ARHGAP26: variants seen among roughly 807,000 people sequenced by gnomAD.
ARHGAP26 encodes Rho GTPase activating protein 26.
Under a neutral mutation model 104.8 loss-of-function variants are expected in ARHGAP26, and 38 were observed. The ratio of observed to expected loss-of-function variants is 0.36; its 90% confidence interval spans 0.28 to 0.48. ARHGAP26 has a LOEUF of 0.48. ARHGAP26 is among the 20% of genes least tolerant of loss of function. ARHGAP26 has a pLI of 0.99. For synonymous variants in ARHGAP26, 341 were observed against 340.0 expected, an observed-to-expected ratio of 1.00 and a Z score of -0.03; for missense variants, 704 against 947.9, an observed-to-expected ratio of 0.74 and a Z score of 3.38.
chr5:143,075,924 C>T (rs1398825989), intron 17 of ARHGAP26, among the ~76,000 whole-genome samples: 2 of 151,962 alleles, frequency 1.3e-5, no homozygotes, highest in Non-Finnish European at 2.9e-5. Context: ...GTTTTGAACT[C>T]CTGGGCTCAA....
chr5:143,040,421 CA>C (rs76179093), intron 13 of ARHGAP26, among the ~76,000 whole-genome samples: 14,187 of 152,058 alleles, frequency 0.093, 859 homozygotes, highest in South Asian at 0.28. Context: ...TTTTGGCCCC[CA>C]AGTATTTTAT....
intron 17 of ARHGAP26, among the ~76,000 whole-genome samples, chr5:143,069,276 C>T (rs915495158): frequency 3.3e-5 from 5 of 152,064 alleles, no homozygotes; most frequent in Non-Finnish European, 2.9e-5. Flanking sequence ...GTAAGCTCCA[C>T]GAGGTTGGCA....
intron 20 of ARHGAP26, among the ~76,000 whole-genome samples, chr5:143,192,051 T>A (rs1457738208): frequency 6.6e-6 from 1 of 152,124 alleles, no homozygotes; most frequent in Non-Finnish European, 1.5e-5. Flanking sequence ...TCCTGTGGAG[T>A]CTTTCTTAAA....
chr5:143,154,345 C>G (rs777039931), intron 20 of ARHGAP26, among the ~76,000 whole-genome samples: 2 of 152,082 alleles, frequency 1.3e-5, no homozygotes, highest in Non-Finnish European at 2.9e-5. Context: ...CTCTGTACCT[C>G]AGTTTTCTCA....
rs1306157443 is a variant in ARHGAP26 at position 143,224,338 on chromosome 5, T to C, written c.*1892T>C. 4.3e-6 allele frequency: 1 copy of C among 231,228 alleles called. No homozygotes were observed. The highest frequency in any genetic ancestry group is 2.2e-5 in the African/African-American group (1 of 45,204). The allele number at this position is 231,228 out of a possible 1,614,324, so 14.3% of individuals were successfully genotyped here. On this transcript the variant is annotated 3_prime_UTR_variant, in exon 23 of 23. Transcript: ENST00000645722. ...ACATTTCTATGGCCTTGCTCTCTGC[T>C]GTCCTGTTGGTGGGCACGACACATC...
chr5:142,905,453 A>G (rs1760973683), intron 8 of ARHGAP26, among the ~76,000 whole-genome samples: 2 of 152,190 alleles, frequency 1.3e-5, no homozygotes, highest in Non-Finnish European at 2.9e-5. Flanking sequence ...GACATACAGA[A>G]AAGTCGCAAC....
At chr5:142,843,507 A>G (rs901758163) in intron 1 of ARHGAP26, among the ~76,000 whole-genome samples, 1 of 152,220 alleles carries the variant, frequency 6.6e-6, no homozygotes, top group African/African-American at 2.4e-5. Context: ...TGCCAGGCAA[A>G]CCCACGTGCT....
At chr5:143,025,690 T>C (rs568301109) in intron 12 of ARHGAP26, among the ~76,000 whole-genome samples, 1 of 152,326 alleles carries the variant, frequency 6.6e-6, no homozygotes, top group East Asian at 1.9e-4. Context: ...GACTAGGAGA[T>C]TGCAGAAGTA....
At chr5:142,939,197 G>A (rs887472323) in intron 11 of ARHGAP26, among the ~76,000 whole-genome samples, 2 of 152,120 alleles carry the variant, frequency 1.3e-5, no homozygotes, top group Admixed American at 6.5e-5. Flanking sequence ...GATGATTCAG[G>A]TCTCTTAGCT....
intron 1 of ARHGAP26, among the ~76,000 whole-genome samples, chr5:142,819,664 A>G (rs1202917369): frequency 6.6e-6 from 1 of 152,244 alleles, no homozygotes; most frequent in Non-Finnish European, 1.5e-5. Flanking sequence ...TTTTAGGTGT[A>G]CAGTGACACA....
chr5:142,816,255 T>C (rs1597749449), intron 1 of ARHGAP26, among the ~76,000 whole-genome samples: 1 of 152,346 alleles, frequency 6.6e-6, no homozygotes, highest in African/African-American at 2.4e-5. Context: ...TTTACCATCA[T>C]ATACTGAGCA....
intron 1 of ARHGAP26, among the ~76,000 whole-genome samples, chr5:142,861,351 T>TG (rs1385013345): frequency 7.8e-6 from 1 of 127,660 alleles, no homozygotes; most frequent in Non-Finnish European, 1.6e-5. Context: ...GCTAGGTCCG[T>TG]TTTTTTTTTT....
At chr5:143,006,049 A>G (rs1054072580) in intron 11 of ARHGAP26, among the ~76,000 whole-genome samples, 1 of 152,230 alleles carries the variant, frequency 6.6e-6, no homozygotes, top group African/African-American at 2.4e-5. Context: ...TAGAGCTAAC[A>G]CACAGGGGTG....
chr5:143,135,404 C>T (rs1599170282), intron 19 of ARHGAP26, among the ~76,000 whole-genome samples: 3 of 152,134 alleles, frequency 2.0e-5, no homozygotes, highest in African/African-American at 2.4e-5. Flanking sequence ...TATTATAACT[C>T]GTTTCTGTGA....
In ARHGAP26 at chr5:142,907,704, G is replaced by A. The variant is rs1387878829; in HGVS notation, c.833G>A (p.Arg278His). Residue 278 changes from arginine (R) to histidine (H), a missense_variant and splice_region_variant, in exon 9 of 23, where the codon CGT (arginine) becomes CAT (histidine). Physicochemically the swap from Arg to His is conservative, Grantham distance 29. This residue lies in a region of ARHGAP26 where 287 missense variants were observed against 438.8 expected (regional missense o/e 0.65). Coordinates refer to ENST00000645722, the MANE Select transcript of ARHGAP26 (RefSeq NM_001135608.3). ...TTTTATGGGAAATATTACCTTTCAG[G>A]TCACTTTGGAACTTCTTGGGTGAAG... is the stretch of plus-strand genomic sequence containing the variant. ...MEGYLYVQEK[R>H]HFGTSWVKHY... The A allele has an allele frequency of 6.3e-7, 1 of 1,593,044 alleles. No individual in the cohort carries two copies. The highest frequency in any genetic ancestry group is 1.7e-5 in the Admixed American group (1 of 59,656).
intron 21 of ARHGAP26, among the ~76,000 whole-genome samples, chr5:143,212,442 C>T (rs1212935849): frequency 2.6e-5 from 4 of 151,966 alleles, no homozygotes; most frequent in African/African-American, 9.7e-5. Context: ...TACATAGACT[C>T]GGTTTCTTTG....
intron 12 of ARHGAP26, among the ~76,000 whole-genome samples, chr5:143,017,148 A>G (rs1779704634): frequency 6.6e-6 from 1 of 152,200 alleles, no homozygotes; most frequent in South Asian, 2.1e-4. Context: ...TTTCTTTTCT[A>G]GGAAATGTTT....
chr5:143,126,864 C>T (rs1796786432), intron 18 of ARHGAP26, among the ~76,000 whole-genome samples: 1 of 152,156 alleles, frequency 6.6e-6, no homozygotes, highest in Non-Finnish European at 1.5e-5. Flanking sequence ...ATTACCATTT[C>T]CGTATGAACA....
At chr5:142,933,446 G>A (rs965969110) in intron 11 of ARHGAP26, among the ~76,000 whole-genome samples, 39 of 152,128 alleles carry the variant, frequency 2.6e-4, no homozygotes, top group African/African-American at 9.4e-4. Context: ...ATATTAGTAG[G>A]GTACAGGCTA....
Sources: allele counts gnomAD v4.1 joint callset (sites outside exome capture counted in the v4.1 genomes callset), GRCh38; gene constraint gnomAD v4.1.1; regional missense constraint gnomAD v4.1.1; transcripts MANE v1.5; gene names NCBI Gene and HGNC (gene_info 2026-07-23, HGNC 2026-07-21).